Variants in NRXN1 observed in about 807,000 individuals in gnomAD.
The protein encoded by NRXN1 is neurexin 1, also known as neurexin-1.
NRXN1 carries 39 observed loss-of-function variants against 150.9 expected under a neutral mutation model. That is an observed-to-expected ratio of 0.26 (90% CI 0.20 to 0.34). The LOEUF (loss-of-function observed/expected upper bound fraction) is 0.34. Among genes scored for constraint, NRXN1 ranks in the 10% least tolerant of loss-of-function variants. NRXN1 has a pLI of 1.00. For missense variants in NRXN1, 1,815 were observed against 1,949.9 expected (o/e 0.93, Z 1.30); for synonymous variants, 924 against 757.0 (o/e 1.22, Z -3.62).
At chr2:50,999,745 C>T (rs1699799338) in intron 2 of NRXN1, among the ~76,000 whole-genome samples, 2 of 151,942 alleles carry the variant, frequency 1.3e-5, no homozygotes, top group South Asian at 2.1e-4. Flanking sequence ...TCTTCCATTT[C>T]CACTCTATGG....
chr2:50,126,849 C>T (rs1184941488), intron 18 of NRXN1, among the ~76,000 whole-genome samples: 4 of 151,876 alleles, frequency 2.6e-5, no homozygotes, highest in Non-Finnish European at 5.9e-5. Flanking sequence ...CATTTTTGCC[C>T]CATCTTTTTA....
intron 18 of NRXN1, among the ~76,000 whole-genome samples, chr2:50,195,407 T>A (rs2061694045): frequency 6.6e-6 from 1 of 152,190 alleles, no homozygotes; most frequent in Non-Finnish European, 1.5e-5. Context: ...CAGTAGTAAT[T>A]CTGCATTTTG....
intron 13 of NRXN1, among the ~76,000 whole-genome samples, chr2:50,499,613 A>G (rs948370640): frequency 4.6e-5 from 7 of 152,168 alleles, no homozygotes; most frequent in Non-Finnish European, 1.0e-4. Context: ...AGACACCAGC[A>G]ACATTGAATT....
intron 17 of NRXN1, among the ~76,000 whole-genome samples, chr2:50,239,808 T>C (rs1192988798): frequency 6.7e-6 from 1 of 148,728 alleles, no homozygotes; most frequent in Non-Finnish European, 1.5e-5. Context: ...ACTGTTATCA[T>C]ATTCTAATGT....
chr2:50,926,016 C>T (rs189877713), intron 2 of NRXN1, 61 bp from the exon 3 acceptor site: 150 of 1,378,130 alleles, frequency 1.1e-4, no homozygotes, highest in Non-Finnish European at 1.4e-4. Context: ...AGCATGCAGA[C>T]TGGACCTTGC....
At chr2:50,832,227 A>G (rs1381449755) in intron 5 of NRXN1, among the ~76,000 whole-genome samples, 2 of 152,180 alleles carry the variant, frequency 1.3e-5, no homozygotes, top group Non-Finnish European at 2.9e-5. Flanking sequence ...AAAATAATCT[A>G]TAGAGCTTTG....
chr2:50,893,937 A>G (rs981617755), intron 5 of NRXN1, among the ~76,000 whole-genome samples: 1 of 151,988 alleles, frequency 6.6e-6, no homozygotes, highest in African/African-American at 2.4e-5. Context: ...TGAACTCAAC[A>G]TTTTTCATGG....
At chr2:49,930,844 AGAAAGTGT>A (rs528306305) in intron 22 of NRXN1, among the ~76,000 whole-genome samples, 150 of 152,374 alleles carry the variant, frequency 9.8e-4, no homozygotes, top group African/African-American at 3.5e-3. Context: ...CTAATCATTA[AGAAAGTGT>A]GAAAGTGTGA....
intron 2 of NRXN1, among the ~76,000 whole-genome samples, chr2:50,951,840 G>A (rs1390600305): frequency 6.8e-6 from 1 of 147,516 alleles, no homozygotes; most frequent in Non-Finnish European, 1.5e-5. Context: ...GAATTATAGT[G>A]ATTTTAAAAA....
At chr2:50,263,888 G>A (rs1431843284) in intron 17 of NRXN1, among the ~76,000 whole-genome samples, 2 of 152,022 alleles carry the variant, frequency 1.3e-5, no homozygotes, top group Non-Finnish European at 2.9e-5. Context: ...GACCAGAATT[G>A]GTCTAGAGGT....
chr2:50,068,253 C>G (rs1695663609), intron 19 of NRXN1, among the ~76,000 whole-genome samples: 1 of 151,880 alleles, frequency 6.6e-6, no homozygotes, highest in Non-Finnish European at 1.5e-5. Context: ...TGCAAAGGAC[C>G]AAGAGTTGGA....
chr2:50,102,094 A>G (rs1422943257), intron 18 of NRXN1, among the ~76,000 whole-genome samples: 1 of 152,048 alleles, frequency 6.6e-6, no homozygotes, highest in Non-Finnish European at 1.5e-5. Flanking sequence ...TGAAGTGGTA[A>G]GTAATAATTC....
chr2:50,004,761 G>C (rs10174209), intron 21 of NRXN1, among the ~76,000 whole-genome samples: 2 of 152,134 alleles, frequency 1.3e-5, no homozygotes, highest in African/African-American at 4.8e-5. Flanking sequence ...AGAATGTTAC[G>C]TGCAGAGCTT....
At chr2:49,960,304 C>G (rs543807393) in intron 21 of NRXN1, among the ~76,000 whole-genome samples, 1 of 152,236 alleles carries the variant, frequency 6.6e-6, no homozygotes. Flanking sequence ...CTTATAGCAA[C>G]CAGAAACCAC....
At chr2:50,337,119 T>C (rs145408902) in intron 17 of NRXN1, among the ~76,000 whole-genome samples, 12,698 of 150,062 alleles carry the variant, frequency 0.085, 912 homozygotes, top group East Asian at 0.37. Context: ...GTTTAGCTCT[T>C]GTTGCCCAGG....
chr2:50,345,508 A>T (rs1244372002), intron 17 of NRXN1, among the ~76,000 whole-genome samples: 2 of 152,224 alleles, frequency 1.3e-5, no homozygotes, highest in Non-Finnish European at 2.9e-5. Context: ...GATATAAAAA[A>T]AGTGCCCACA....
intron 8 of NRXN1, among the ~76,000 whole-genome samples, chr2:50,555,761 C>T (rs1668140739): frequency 6.6e-6 from 1 of 152,190 alleles, no homozygotes; most frequent in African/African-American, 2.4e-5. Context: ...GGACCAATCT[C>T]ATAAACTAAT....
intron 5 of NRXN1, among the ~76,000 whole-genome samples, chr2:50,664,636 T>C (rs903056373): frequency 1.3e-5 from 2 of 151,906 alleles, no homozygotes; most frequent in African/African-American, 2.4e-5. Flanking sequence ...TCCTTCACTG[T>C]CTGGGCATAG....
At chr2:50,445,759 T>C (rs2086345774) in intron 17 of NRXN1, among the ~76,000 whole-genome samples, 1 of 152,148 alleles carries the variant, frequency 6.6e-6, no homozygotes, top group Admixed American at 6.5e-5. Context: ...GCAAACGGTA[T>C]GACAGAAAAA....
Sources: gnomAD v4.1 joint callset for allele counts (sites outside exome capture counted in the v4.1 genomes callset) on GRCh38, gnomAD v4.1.1 for gene constraint, MANE v1.5 for transcripts, NCBI Gene and HGNC (gene_info 2026-07-23, HGNC 2026-07-21) for gene names.